The following PPP1R9A variants were observed in gnomAD, a reference collection of about 807,000 sequenced individuals.
PPP1R9A encodes the protein protein phosphatase 1 regulatory subunit 9A, also known as neurabin-1.
In PPP1R9A, 59 loss-of-function variants were observed where a neutral mutation model predicts 141.9. That is an observed-to-expected ratio of 0.42 (90% CI 0.34 to 0.52). The LOEUF (loss-of-function observed/expected upper bound fraction) is 0.52. Among genes scored for constraint, PPP1R9A ranks in the 20% least tolerant of loss-of-function variants. The pLI, the probability that PPP1R9A is intolerant of heterozygous loss-of-function variation, is 0.10. For missense variants in PPP1R9A, 1,444 were observed against 1,611.9 expected, an observed-to-expected ratio of 0.90 and a Z score of 1.78; for synonymous variants, 500 against 569.7, an observed-to-expected ratio of 0.88 and a Z score of 1.74.
intron 2 of PPP1R9A, among the ~76,000 whole-genome samples, chr7:94,960,431 C>T (rs1432546998): frequency 1.3e-5 from 2 of 151,562 alleles, no homozygotes; most frequent in Non-Finnish European, 3.0e-5. Context: ...GATACTAATC[C>T]TATAGTGTCC....
chr7:95,035,449 C>T (rs777597773), intron 2 of PPP1R9A, among the ~76,000 whole-genome samples: 1 of 152,140 alleles, frequency 6.6e-6, no homozygotes, highest in Non-Finnish European at 1.5e-5. Flanking sequence ...CTGTCAGTGA[C>T]TGCCACCTTG....
intron 2 of PPP1R9A, among the ~76,000 whole-genome samples, chr7:94,966,238 C>G (rs1798200137): frequency 6.6e-6 from 1 of 152,018 alleles, no homozygotes; most frequent in Non-Finnish European, 1.5e-5. Flanking sequence ...CCTGGGGTTT[C>G]TAAATATACA....
intron 5 of PPP1R9A, among the ~76,000 whole-genome samples, chr7:95,184,326 G>GT (rs1326422666): frequency 6.6e-6 from 1 of 151,994 alleles, no homozygotes; most frequent in African/African-American, 2.4e-5. Context: ...GTGTGCATCT[G>GT]TTTTTATTTT....
Position 94,907,669 on chromosome 7 carries a change from C to T in PPP1R9A, c.-250C>T, listed in dbSNP as rs1790894434. On this transcript the variant is annotated 5_prime_UTR_variant, in exon 1 of 20. Transcript: ENST00000433360. ...GGGATTTTGCTGCCGGGCTCCCTCT[C>T]TCTGCGGCCCTAGAGTTAATCCCAT... The T allele has an allele frequency of 6.6e-6, 1 of 152,322 alleles. No individual in the cohort carries two copies. Among genetic ancestry groups the T allele is most frequent in the African/African-American group, 2.4e-5 (1 of 41,440 alleles). The allele number at this position is 152,322 out of a possible 1,614,324, so 9.4% of individuals were successfully genotyped here.
At chr7:95,223,567 C>A (rs1031782845) in intron 7 of PPP1R9A, among the ~76,000 whole-genome samples, 1 of 151,914 alleles carries the variant, frequency 6.6e-6, no homozygotes, top group African/African-American at 2.4e-5. Flanking sequence ...TATGTCAGGT[C>A]CCATCCTAGG....
intron 5 of PPP1R9A, among the ~76,000 whole-genome samples, chr7:95,165,635 C>T (rs1055534710): frequency 1.1e-4 from 16 of 152,272 alleles, no homozygotes; most frequent in Non-Finnish European, 8.8e-5. Context: ...GTATCAGCAG[C>T]TACAACTTAC....
chr7:94,934,513 A>G (rs1286266069), intron 2 of PPP1R9A, among the ~76,000 whole-genome samples: 6 of 152,018 alleles, frequency 3.9e-5, no homozygotes, highest in Non-Finnish European at 8.8e-5. Flanking sequence ...TTTTTGTCAA[A>G]AAGATCTGGC....
intron 2 of PPP1R9A, among the ~76,000 whole-genome samples, chr7:94,925,510 C>T (rs1407562767): frequency 1.3e-5 from 2 of 152,036 alleles, no homozygotes; most frequent in East Asian, 3.9e-4. Flanking sequence ...TTCCTCTCTC[C>T]CTCTCATTCT....
chr7:95,198,084 ATAT>A (rs1396841721), intron 5 of PPP1R9A, among the ~76,000 whole-genome samples: 14 of 152,198 alleles, frequency 9.2e-5, no homozygotes, highest in African/African-American at 3.1e-4. Flanking sequence ...TGGGTTACGT[ATAT>A]TACATCTTCT....
chr7:95,141,008 C>G (rs1237303480), intron 4 of PPP1R9A, among the ~76,000 whole-genome samples: 3 of 152,356 alleles, frequency 2.0e-5, no homozygotes, highest in Admixed American at 2.0e-4. Flanking sequence ...GCTTGAGCCA[C>G]TACTCCCAGC....
At chr7:94,999,683 T>G (rs1304683333) in intron 2 of PPP1R9A, among the ~76,000 whole-genome samples, 1 of 152,146 alleles carries the variant, frequency 6.6e-6, no homozygotes, top group East Asian at 1.9e-4. Context: ...AAACATCTCC[T>G]AAGAAATTGT....
intron 4 of PPP1R9A, among the ~76,000 whole-genome samples, chr7:95,152,195 C>T (rs968649185): frequency 6.6e-6 from 1 of 151,950 alleles, no homozygotes. Flanking sequence ...CGTGATCCAC[C>T]CGCCTTGGCT....
intron 2 of PPP1R9A, among the ~76,000 whole-genome samples, chr7:95,108,277 TTTTCTTTTC>T (rs1361543603): frequency 6.9e-6 from 1 of 144,746 alleles, no homozygotes; most frequent in African/African-American, 2.6e-5. Context: ...TTCTTTTTCT[TTTTCTTTTC>T]TTTTCTTTTT....
At chr7:94,934,590 AC>A (rs1440509660) in intron 2 of PPP1R9A, among the ~76,000 whole-genome samples, 1 of 151,990 alleles carries the variant, frequency 6.6e-6, no homozygotes, top group African/African-American at 2.4e-5. Context: ...TCAGAAATTC[AC>A]AGTACCTTTG....
At chr7:95,245,039 G>C (rs951815095) in intron 8 of PPP1R9A, among the ~76,000 whole-genome samples, 4 of 152,170 alleles carry the variant, frequency 2.6e-5, no homozygotes, top group Non-Finnish European at 4.4e-5. Context: ...GCACATGGTT[G>C]AAAGAACAAG....
chr7:95,039,654 A>G (rs1808939779), intron 2 of PPP1R9A, among the ~76,000 whole-genome samples: 1 of 152,084 alleles, frequency 6.6e-6, no homozygotes, highest in Non-Finnish European at 1.5e-5. Context: ...CTTGATAAGG[A>G]TGAGGAAAGA....
intron 2 of PPP1R9A, among the ~76,000 whole-genome samples, chr7:95,101,982 C>T (rs530592382): frequency 3.3e-5 from 5 of 152,100 alleles, no homozygotes; most frequent in African/African-American, 1.2e-4. Flanking sequence ...ATGGGGTATC[C>T]CTCAGAAACC....
At chr7:95,205,622 C>T (rs1313312033) in intron 7 of PPP1R9A, among the ~76,000 whole-genome samples, 1 of 152,156 alleles carries the variant, frequency 6.6e-6, no homozygotes, top group Non-Finnish European at 1.5e-5. Flanking sequence ...ATTTTCTATG[C>T]CTTTTGTTTC....
intron 2 of PPP1R9A, among the ~76,000 whole-genome samples, chr7:95,033,171 AT>A (rs10709825): frequency 0.46 from 47,938 of 103,430 alleles, 10,754 homozygotes; most frequent in East Asian, 0.77. Flanking sequence ...TGCCTGGCTA[AT>A]TTTTTTTTTT....
Sources: gnomAD v4.1 joint callset for allele counts (sites outside exome capture counted in the v4.1 genomes callset) on GRCh38, gnomAD v4.1.1 for gene constraint, MANE v1.5 for transcripts, NCBI Gene and HGNC (gene_info 2026-07-23, HGNC 2026-07-21) for gene names.